Variants in SOS2 observed in about 807,000 individuals in gnomAD.
SOS2 encodes the protein SOS Ras/Rho guanine nucleotide exchange factor 2.
SOS2 carries 65 observed loss-of-function variants against 148.2 expected under a neutral mutation model. The observed-to-expected ratio is 0.44, with a 90% CI of 0.36 to 0.54. SOS2 has a LOEUF of 0.54. Among genes scored for constraint, SOS2 ranks in the 20% least tolerant of loss-of-function variants. The pLI is 0.00. For missense variants in SOS2, 1,341 were observed against 1,590.2 expected, an observed-to-expected ratio of 0.84 and a Z score of 2.67; for synonymous variants, 539 against 537.1, an observed-to-expected ratio of 1.00 and a Z score of -0.05.
chr14:50,178,551 C>A (rs1453759954), intron 7 of SOS2, among the ~76,000 whole-genome samples: 2 of 151,564 alleles, frequency 1.3e-5, no homozygotes, highest in Admixed American at 6.6e-5. Flanking sequence ...GCAACCCCCA[C>A]CTCCTGGGTT....
intron 4 of SOS2, among the ~76,000 whole-genome samples, chr14:50,192,560 AAAAAAC>A (rs768910970): frequency 2.7e-5 from 4 of 150,914 alleles, no homozygotes. Flanking sequence ...TGTCTTTAAA[AAAAAAC>A]AAAAACAAAA....
intron 8 of SOS2, among the ~76,000 whole-genome samples, chr14:50,166,869 C>T (rs1442234346): frequency 6.6e-6 from 1 of 152,054 alleles, no homozygotes; most frequent in Non-Finnish European, 1.5e-5. Flanking sequence ...TCTAGATTTT[C>T]ATAAGAGTGG....
Position 50,158,632 on chromosome 14 carries a change from G to T in SOS2, c.1867C>A (p.Arg623Ser). 6.2e-7 allele frequency: 1 copy of T among 1,603,918 alleles called. No individual in the cohort carries two copies. Among genetic ancestry groups the T allele is most frequent in the South Asian group, 1.1e-5 (1 of 89,944 alleles). ...YHMYADPNFVRTFLTTYRSFC... is the reference protein window; with the variant it reads ...YHMYADPNFVSTFLTTYRSFC... ...GAACGATATGTGGTAAGAAAAGTAC[G>T]AACAAAATTGGGATCTGAAAAGGCA... is the stretch of plus-strand genomic sequence containing the variant. Residue 623 changes from arginine (R) to serine (S), a missense_variant, in exon 11 of 23, where the codon CGT (arginine) becomes AGT (serine). This residue lies in a region of SOS2 where 408 missense variants were observed against 506.6 expected (regional missense o/e 0.81). Transcript: ENST00000216373.
rs1886471396 is a variant in SOS2 at position 50,201,092 on chromosome 14, A to G, written c.214-8T>C. The stretch of plus-strand genomic sequence containing the variant: ...GGTCTTCTGAACTCGCTCCTGCTCA[A>G]TCACAGCAGAACCATTGTAGTATTA... On this transcript the variant is annotated splice_region_variant and splice_polypyrimidine_tract_variant and intron_variant, in intron 2 of 22. Transcript: ENST00000216373. 1.2e-6 allele frequency: 2 copies of G among 1,613,258 alleles called. No individual in the cohort carries two copies. Among genetic ancestry groups the G allele is most frequent in the Non-Finnish European group, 1.7e-6 (2 of 1,179,474 alleles).
intron 8 of SOS2, among the ~76,000 whole-genome samples, chr14:50,166,996 C>T (rs1885189019): frequency 6.6e-6 from 1 of 151,722 alleles, no homozygotes. Context: ...TCACTTGAGG[C>T]CAGAAGTTTG....
At chr14:50,201,164 C>T in intron 2 of SOS2, 80 bp from the exon 3 acceptor site, 1 of 1,296,118 alleles carries the variant, frequency 7.7e-7, no homozygotes, top group Non-Finnish European at 1.1e-6. Context: ...TCAACTTGAT[C>T]TCTATTCTTA....
chr14:50,231,161 G>C (rs758768038), intron 1 of SOS2, 36 bp downstream of exon 1: 11 of 1,285,872 alleles, frequency 8.6e-6, no homozygotes, highest in African/African-American at 1.5e-5. Flanking sequence ...GGGGGGCCAC[G>C]GGCCACCCGC....
rs969000975 is a variant in SOS2 at position 50,136,978 on chromosome 14, A to G, written c.2958+1634T>C. Reference sequence around the variant, plus strand: ...TTGAACCGGGAACAAAGAAGTTTCTATCTCATAATTTAGGAGGGTGGAAGT... The same window carrying G: ...TTGAACCGGGAACAAAGAAGTTTCTGTCTCATAATTTAGGAGGGTGGAAGT... On this transcript the variant is annotated intron_variant, in intron 18 of 22. Transcript: ENST00000216373. Among the ~76,000 whole-genome samples, 27 of 152,254 alleles carry G rather than the reference A, an allele frequency of 1.8e-4. 1 individual carries two copies. The highest frequency in any genetic ancestry group is 2.4e-4 in the African/African-American group (10 of 41,550).
intron 2 of SOS2, 52 bp downstream of exon 2, chr14:50,204,232 T>A: frequency 8.8e-7 from 1 of 1,133,168 alleles, no homozygotes; most frequent in Non-Finnish European, 1.2e-6. Context: ...GATACAAAAA[T>A]TAATTCATAC....
At chr14:50,224,591 A>T (rs1566488139) in intron 1 of SOS2, among the ~76,000 whole-genome samples, 1 of 152,132 alleles carries the variant, frequency 6.6e-6, no homozygotes. Context: ...CTTTGTATGT[A>T]AGAAGTAGTT....
chr14:50,186,542 G>A (rs1033200915), intron 5 of SOS2, among the ~76,000 whole-genome samples: 1 of 151,860 alleles, frequency 6.6e-6, no homozygotes, highest in Admixed American at 6.6e-5. Flanking sequence ...AGCACTTTGG[G>A]GGGCTGAGAA....
intron 1 of SOS2, among the ~76,000 whole-genome samples, chr14:50,218,218 GAAAAAAAAA>G (rs35149667): frequency 1.0e-5 from 1 of 95,820 alleles, no homozygotes; most frequent in Non-Finnish European, 2.1e-5. Flanking sequence ...TCGATAAAAG[GAAAAAAAAA>G]AAAAAAAAAA....
At chr14:50,190,188 T>TA (rs1886083261) in intron 4 of SOS2, among the ~76,000 whole-genome samples, 6 of 151,568 alleles carry the variant, frequency 4.0e-5, no homozygotes, top group African/African-American at 1.2e-4. Flanking sequence ...ATACTTTTTT[T>TA]TAAAAAAAAT....
intron 1 of SOS2, among the ~76,000 whole-genome samples, chr14:50,230,332 C>T (rs1345690489): frequency 6.6e-6 from 1 of 152,092 alleles, no homozygotes; most frequent in Non-Finnish European, 1.5e-5. Context: ...GAAAGAAAGC[C>T]CCTGCTCAAC....
intron 17 of SOS2, among the ~76,000 whole-genome samples, chr14:50,139,664 T>C (rs563036745): frequency 4.6e-4 from 70 of 152,348 alleles, no homozygotes; most frequent in African/African-American, 1.6e-3. Flanking sequence ...TAGATAGTTA[T>C]GATAAAAATA....
intron 8 of SOS2, 78 bp from the exon 9 acceptor site, chr14:50,161,687 C>T: frequency 7.6e-7 from 1 of 1,323,796 alleles, no homozygotes; most frequent in Non-Finnish European, 1.1e-6. Context: ...GAAAAAGCAG[C>T]AACAAATATT....
chr14:50,118,898 TAAAAA>T, intron 22 of SOS2, 45 bp from the exon 23 acceptor site: 1 of 1,093,442 alleles, frequency 9.1e-7, no homozygotes, highest in Non-Finnish European at 1.2e-6. Flanking sequence ...TCTGAAAAAT[TAAAAA>T]AAAAAATTTT....
intron 21 of SOS2, among the ~76,000 whole-genome samples, chr14:50,126,465 C>T (rs1050567244): frequency 1.8e-4 from 28 of 151,692 alleles, no homozygotes; most frequent in Non-Finnish European, 1.9e-4. Flanking sequence ...CAGATTGTAC[C>T]CCATAAACAT....
chr14:50,119,953 AG>A (rs1439060827), intron 22 of SOS2, among the ~76,000 whole-genome samples: 5 of 151,590 alleles, frequency 3.3e-5, no homozygotes, highest in Admixed American at 2.6e-4. Flanking sequence ...CTGGAATCAC[AG>A]GCACCCGCCA....
Sources: allele counts gnomAD v4.1 joint callset (sites outside exome capture counted in the v4.1 genomes callset), GRCh38; gene constraint gnomAD v4.1.1; regional missense constraint gnomAD v4.1.1; transcripts MANE v1.5; gene names NCBI Gene and HGNC (gene_info 2026-07-23, HGNC 2026-07-21).